The following THSD7B variants were observed in gnomAD, a reference collection of about 807,000 sequenced individuals.
THSD7B encodes the protein thrombospondin type-1 domain-containing protein 7B.
In THSD7B, 138 loss-of-function variants were observed where a neutral mutation model predicts 213.6. The ratio of observed to expected loss-of-function variants is 0.65; its 90% CI spans 0.56 to 0.74. THSD7B has a LOEUF of 0.74. Among genes scored for constraint, THSD7B ranks in the 30% least tolerant of loss-of-function variants. The pLI is 0.00. For synonymous variants in THSD7B, 742 were observed against 687.0 expected, an observed-to-expected ratio of 1.08 and a Z score of -1.25; for missense variants, 1,931 against 1,991.5, an observed-to-expected ratio of 0.97 and a Z score of 0.58.
intron 2 of THSD7B, among the ~76,000 whole-genome samples, chr2:136,882,924 C>A (rs1056609457): frequency 6.6e-6 from 1 of 152,022 alleles, no homozygotes; most frequent in Non-Finnish European, 1.5e-5. Flanking sequence ...CTAAATATTT[C>A]CTTAATTTGG....
intron 1 of THSD7B, among the ~76,000 whole-genome samples, chr2:136,776,855 C>T (rs886888413): frequency 1.9e-4 from 29 of 152,108 alleles, no homozygotes; most frequent in African/African-American, 5.8e-4. Context: ...CGCTCACACA[C>T]GTATGCACAC....
intron 12 of THSD7B, among the ~76,000 whole-genome samples, chr2:137,303,865 T>C (rs1316743896): frequency 6.6e-6 from 1 of 150,908 alleles, no homozygotes; most frequent in Non-Finnish European, 1.5e-5. Flanking sequence ...ACATGCAGGT[T>C]TATTACATAG....
intron 13 of THSD7B, 57 bp downstream of exon 13, chr2:137,405,864 T>G: frequency 6.8e-7 from 1 of 1,474,710 alleles, no homozygotes; most frequent in Admixed American, 2.3e-5. Context: ...CTGGATCTTT[T>G]GTGTAGAATA....
intron 17 of THSD7B, among the ~76,000 whole-genome samples, chr2:137,602,278 T>TG (rs777724334): frequency 3.5e-4 from 53 of 152,116 alleles, no homozygotes; most frequent in African/African-American, 8.9e-4. Context: ...TTTGTTTTTG[T>TG]ATTATTTTTT....
At chr2:136,962,881 C>A in intron 2 of THSD7B, among the ~76,000 whole-genome samples, 1 of 152,096 alleles carries the variant, frequency 6.6e-6, no homozygotes, top group South Asian at 2.1e-4. Context: ...AAAACAGACA[C>A]ACATTTGAAA....
intron 5 of THSD7B, among the ~76,000 whole-genome samples, chr2:137,130,912 T>C (rs1398307577): frequency 2.3e-4 from 35 of 151,448 alleles, no homozygotes; most frequent in Admixed American, 2.2e-3. Flanking sequence ...GATGGCTGGG[T>C]CAAATGGTAT....
chr2:137,599,438 A>G lies in THSD7B; in HGVS notation c.3424-16737A>G, dbSNP rs1682033180. Among the ~76,000 whole-genome samples the G allele has an allele frequency of 2.0e-5, 3 of 151,980 alleles. No homozygotes were observed. The South Asian group carries it at 6.2e-4, about 32-fold the overall frequency. On this transcript the variant is annotated intron_variant, in intron 17 of 27. Coordinates refer to ENST00000409968, the MANE Select transcript of THSD7B (RefSeq NM_001316349.2). ...ATGCAAATCAAAACCACTATGAGAT[A>G]TCATCTCACACCAGTTAGAATGGCA...
At chr2:136,919,242 G>A (rs781649755) in intron 2 of THSD7B, among the ~76,000 whole-genome samples, 7 of 152,176 alleles carry the variant, frequency 4.6e-5, no homozygotes, top group Non-Finnish European at 1.0e-4. Context: ...AGAATAAATA[G>A]TTGCCTAAAA....
At chr2:136,807,786 G>A (rs988834270) in intron 1 of THSD7B, among the ~76,000 whole-genome samples, 13 of 152,092 alleles carry the variant, frequency 8.5e-5, no homozygotes, top group African/African-American at 3.1e-4. Context: ...GATTACAGGC[G>A]TGAGCCACCA....
chr2:136,800,905 T>A (rs905790766), intron 1 of THSD7B, among the ~76,000 whole-genome samples: 5 of 152,002 alleles, frequency 3.3e-5, no homozygotes, highest in Non-Finnish European at 1.5e-5. Flanking sequence ...GCCTATGCAG[T>A]TCCCTGGAAT....
chr2:137,644,429 A>G (rs991364439), intron 21 of THSD7B, among the ~76,000 whole-genome samples: 1 of 152,100 alleles, frequency 6.6e-6, no homozygotes, highest in Non-Finnish European at 1.5e-5. Flanking sequence ...ACATTTTTCT[A>G]CCTTATAGAT....
In THSD7B at chr2:136,807,545, C is replaced by T. The variant is rs182606129; in HGVS notation, c.-36+41858C>T. Among the ~76,000 whole-genome samples, 326 of 112,798 alleles carry T rather than the reference C, an allele frequency of 2.9e-3. 1 individual carries two copies. The highest frequency in any genetic ancestry group is 0.011 in the African/African-American group (300 of 27,942). 74.0% of individuals were successfully genotyped at this position (112,798 alleles called of 152,430 possible). ...TTTTTTGAGACGGAGTCTTGCTCAT[C>T]GCCCAGGCTGGAGTGCAGTGGCACA... On this transcript the variant is annotated intron_variant, in intron 1 of 27. Coordinates refer to ENST00000409968, the MANE Select transcript of THSD7B (RefSeq NM_001316349.2).
chr2:137,073,065 C>A (rs1292252037), intron 3 of THSD7B, among the ~76,000 whole-genome samples: 2 of 152,008 alleles, frequency 1.3e-5, no homozygotes, highest in African/African-American at 4.8e-5. Context: ...CTAAAATTCT[C>A]TTTTTTTGTT....
At chr2:137,368,932 C>G (rs1685481050) in intron 12 of THSD7B, among the ~76,000 whole-genome samples, 1 of 151,948 alleles carries the variant, frequency 6.6e-6, no homozygotes, top group Non-Finnish European at 1.5e-5. Context: ...ATTTCTTGGA[C>G]TTGGTCTCAT....
In THSD7B at chr2:137,268,972, G is replaced by C. The variant is rs143355745; in HGVS notation, c.2267-3561G>C. On this transcript the variant is annotated intron_variant, in intron 10 of 27. Coordinates refer to ENST00000409968, the MANE Select transcript of THSD7B (RefSeq NM_001316349.2). ...TAATTTGAGGCATTTACATCATAAG[G>C]ACAGGAAAATTCTTTAAAATTGAAT... 5.4e-3 allele frequency among the ~76,000 whole-genome samples: 825 copies of C among 152,234 alleles called. 8 individuals are homozygous for C. Among genetic ancestry groups the C allele is most frequent in the African/African-American group, 0.019 (782 of 41,534 alleles).
intron 10 of THSD7B, among the ~76,000 whole-genome samples, chr2:137,250,017 C>A (rs1234043973): frequency 6.6e-6 from 1 of 152,154 alleles, no homozygotes; most frequent in Non-Finnish European, 1.5e-5. Flanking sequence ...TGCCATATGG[C>A]CTCAAAGGAG....
intron 14 of THSD7B, among the ~76,000 whole-genome samples, chr2:137,444,619 C>T (rs538333187): frequency 6.6e-6 from 1 of 151,766 alleles, no homozygotes. Flanking sequence ...TTACAAAAAT[C>T]AAATCAATTA....
intron 2 of THSD7B, among the ~76,000 whole-genome samples, chr2:136,985,045 G>T (rs543385635): frequency 2.0e-5 from 3 of 152,118 alleles, no homozygotes; most frequent in African/African-American, 7.2e-5. Context: ...TGACATGCCC[G>T]CATCTAACAA....
intron 12 of THSD7B, among the ~76,000 whole-genome samples, chr2:137,395,576 T>G (rs1259449071): frequency 6.6e-6 from 1 of 152,186 alleles, no homozygotes; most frequent in Non-Finnish European, 1.5e-5. Flanking sequence ...AGTATTTTAT[T>G]GAGGATTTTT....
Sources: allele counts gnomAD v4.1 joint callset (sites outside exome capture counted in the v4.1 genomes callset), GRCh38; gene constraint gnomAD v4.1.1; transcripts MANE v1.5; gene names NCBI Gene and HGNC (gene_info 2026-07-23, HGNC 2026-07-21).